The following KIAA1328 variants were observed in gnomAD, a reference collection of about 807,000 sequenced individuals.
The protein encoded by KIAA1328 is protein hinderin.
Under a neutral mutation model 68.1 loss-of-function variants are expected in KIAA1328, and 52 were observed. The observed-to-expected ratio is 0.76, with a 90% CI of 0.61 to 0.96. The LOEUF is 0.96. Among genes scored for constraint, KIAA1328 ranks in the 40% least tolerant of loss-of-function variants. The pLI is 0.00. For synonymous variants in KIAA1328, 232 were observed against 239.4 expected (o/e 0.97, Z 0.28); for missense variants, 641 against 677.6 (o/e 0.95, Z 0.60).
chr18:36,951,755 G>A (rs555550944), intron 5 of KIAA1328, among the ~76,000 whole-genome samples: 1 of 152,170 alleles, frequency 6.6e-6, no homozygotes, highest in Admixed American at 6.5e-5. Context: ...CATACATCTT[G>A]TCACCCAGTT....
At chr18:37,107,191 G>T (rs1279756192) in intron 7 of KIAA1328, among the ~76,000 whole-genome samples, 1 of 152,108 alleles carries the variant, frequency 6.6e-6, no homozygotes, top group African/African-American at 2.4e-5. Context: ...GTGGGCCGGG[G>T]TCATGCCACT....
intron 4 of KIAA1328, among the ~76,000 whole-genome samples, chr18:36,861,988 A>T (rs937760563): frequency 2.0e-5 from 3 of 152,132 alleles, no homozygotes; most frequent in Non-Finnish European, 4.4e-5. Context: ...TTTTATTCTA[A>T]TCCAGGACTC....
At chr18:37,212,905 T>C (rs2060344873) in intron 9 of KIAA1328, among the ~76,000 whole-genome samples, 1 of 151,970 alleles carries the variant, frequency 6.6e-6, no homozygotes, top group Non-Finnish European at 1.5e-5. Context: ...TTTGTAGAGA[T>C]GGGGTTTTTC....
At chr18:36,924,473 G>A (rs920222858) in intron 5 of KIAA1328, among the ~76,000 whole-genome samples, 4 of 152,148 alleles carry the variant, frequency 2.6e-5, no homozygotes, top group Admixed American at 2.0e-4. Flanking sequence ...TCTGGATTGA[G>A]CATATAGAGA....
At chr18:36,973,807 G>GCACACA (rs2052340496) in intron 6 of KIAA1328, among the ~76,000 whole-genome samples, 2 of 85,518 alleles carry the variant, frequency 2.3e-5, no homozygotes, top group Middle Eastern at 0.013. Flanking sequence ...TTGTGTGTAC[G>GCACACA]CACATACACA....
intron 8 of KIAA1328, among the ~76,000 whole-genome samples, chr18:37,162,727 G>C (rs1017568736): frequency 3.3e-5 from 5 of 151,844 alleles, no homozygotes; most frequent in Non-Finnish European, 7.4e-5. Context: ...CTTTTCTTCT[G>C]TCTTACATCT....
At chr18:37,017,550 C>T (rs2054193350) in intron 6 of KIAA1328, among the ~76,000 whole-genome samples, 1 of 152,018 alleles carries the variant, frequency 6.6e-6, no homozygotes, top group Non-Finnish European at 1.5e-5. Flanking sequence ...TGTCTTATGC[C>T]GTCACTAGGG....
In KIAA1328 at chr18:36,852,759, A is replaced by G. The variant is rs576368685; in HGVS notation, c.332+8457A>G. On this transcript the variant is annotated intron_variant, in intron 4 of 9. Coordinates refer to ENST00000280020, the MANE Select transcript of KIAA1328 (RefSeq NM_020776.3). Reference sequence around the variant, plus strand: ...CAGTCTAGTAATGACGGTCTCAAGCAGTAACAGTAGTAACTGCTGTAATGG... The same window carrying G: ...CAGTCTAGTAATGACGGTCTCAAGCGGTAACAGTAGTAACTGCTGTAATGG... 6.4e-4 allele frequency among the ~76,000 whole-genome samples: 98 copies of G among 152,326 alleles called. 3 individuals are homozygous for G. In the South Asian group the frequency reaches 0.017, roughly 27 times the overall value.
chr18:37,200,768 G>A (rs1023488239), intron 9 of KIAA1328, among the ~76,000 whole-genome samples: 6 of 147,248 alleles, frequency 4.1e-5, no homozygotes, highest in Admixed American at 6.9e-5. Flanking sequence ...CTGAGATTGC[G>A]CCACTGCAGT....
At chr18:37,046,484 T>C (rs2055474680) in intron 6 of KIAA1328, among the ~76,000 whole-genome samples, 1 of 152,168 alleles carries the variant, frequency 6.6e-6, no homozygotes, top group Non-Finnish European at 1.5e-5. Context: ...TCCTCTTGGC[T>C]CCTCCACTAG....
rs191287515 is a variant in KIAA1328 at position 37,099,698 on chromosome 18, G to C, written c.1232+32153G>C. Among the ~76,000 whole-genome samples the C allele has an allele frequency of 4.5e-4, 69 of 152,194 alleles. No individual in the cohort carries two copies. In the East Asian group the frequency reaches 6.8e-3, roughly 15 times the overall value. On this transcript the variant is annotated intron_variant, in intron 7 of 9. Transcript: ENST00000280020. ...GTTGTTAAAGTCTCCCATTATTATTGTGTGGGAGTCTAAGTCTCTTTGTAG... is the reference window on the plus strand; with the variant it reads ...GTTGTTAAAGTCTCCCATTATTATTCTGTGGGAGTCTAAGTCTCTTTGTAG...
At chr18:37,062,392 A>G (rs1416868770) in intron 6 of KIAA1328, among the ~76,000 whole-genome samples, 1 of 151,058 alleles carries the variant, frequency 6.6e-6, no homozygotes, top group East Asian at 1.9e-4. Context: ...ATAACTGCCC[A>G]TCTTTCTCAC....
At chr18:36,963,397 G>A (rs1271387480) in intron 6 of KIAA1328, among the ~76,000 whole-genome samples, 6 of 152,190 alleles carry the variant, frequency 3.9e-5, no homozygotes, top group Non-Finnish European at 7.4e-5. Context: ...TGTGGGAAGG[G>A]AGATGGAGCA....
chr18:36,944,781 A>G (rs1207156509), intron 5 of KIAA1328, among the ~76,000 whole-genome samples: 1 of 152,212 alleles, frequency 6.6e-6, no homozygotes, highest in African/African-American at 2.4e-5. Context: ...GGAAGTGACC[A>G]GCAAAGAGGA....
chr18:36,843,749 T>C (rs1165778517), intron 3 of KIAA1328, among the ~76,000 whole-genome samples: 1 of 152,200 alleles, frequency 6.6e-6, no homozygotes, highest in Admixed American at 6.6e-5. Flanking sequence ...ATGTAATTGT[T>C]AGCTATTGCT....
Position 36,829,182 on chromosome 18 carries a change from T to C in KIAA1328, c.44T>C (p.Phe15Ser). 1.3e-6 allele frequency: 2 copies of C among 1,533,062 alleles called. No homozygotes were observed. Among genetic ancestry groups the C allele is most frequent in the Non-Finnish European group, 1.8e-6 (2 of 1,142,208 alleles). The allele number at this position is 1,533,062 out of a possible 1,614,324, so 95.0% of individuals were successfully genotyped here. A position where few individuals can be genotyped will look rare whatever the true frequency, so the allele number is the denominator to read the frequency against. The change falls in exon 1 of 10, where the codon TTC becomes TCC. Residue 15 changes from phenylalanine to serine, a missense_variant. Coordinates refer to ENST00000280020, the MANE Select transcript of KIAA1328 (RefSeq NM_020776.3). ...CCCTCCCGCCCCAGTGCCGCGGCGT[T>C]CTGGAGCCGGGACTGTATCCTTTGC... is the stretch of plus-strand genomic sequence containing the variant. ...AGPSRPSAAA[F>S]WSRDFSDEEQ...
chr18:37,087,271 G>T (rs997470599), intron 7 of KIAA1328, among the ~76,000 whole-genome samples: 4 of 151,822 alleles, frequency 2.6e-5, no homozygotes, highest in African/African-American at 7.3e-5. Flanking sequence ...TGTTACCCAG[G>T]CTTGTCTCAA....
intron 5 of KIAA1328, among the ~76,000 whole-genome samples, chr18:36,890,493 A>G (rs2048648609): frequency 2.0e-5 from 3 of 152,156 alleles, no homozygotes; most frequent in Admixed American, 2.0e-4. Context: ...CAACATGGTG[A>G]AACCCCGTCT....
chr18:36,948,735 G>C (rs2051014655), intron 5 of KIAA1328, among the ~76,000 whole-genome samples: 1 of 152,106 alleles, frequency 6.6e-6, no homozygotes, highest in East Asian at 1.9e-4. Context: ...TTTTAGTAGA[G>C]ACGGGGTTTC....
Sources: gnomAD v4.1 joint callset for allele counts (sites outside exome capture counted in the v4.1 genomes callset) on GRCh38, gnomAD v4.1.1 for gene constraint, MANE v1.5 for transcripts, NCBI Gene and HGNC (gene_info 2026-07-23, HGNC 2026-07-21) for gene names.